The following WLS variants were observed in gnomAD, a reference collection of about 807,000 sequenced individuals.
WLS encodes Wnt ligand secretion mediator.
A neutral mutation model predicts 62.8 loss-of-function variants in WLS; 23 were observed. That is an observed-to-expected ratio of 0.37 (90% CI 0.26 to 0.52). The LOEUF is 0.52. Among genes scored for constraint, WLS ranks in the 20% least tolerant of loss-of-function variants. WLS has a pLI of 0.92. For missense variants in WLS, 615 were observed against 697.3 expected, an observed-to-expected ratio of 0.88 and a Z score of 1.33; for synonymous variants, 246 against 244.1, an observed-to-expected ratio of 1.01 and a Z score of -0.07.
intron 1 of WLS, among the ~76,000 whole-genome samples, chr1:68,220,569 C>T (rs1486422087): frequency 6.6e-6 from 1 of 152,176 alleles, no homozygotes. Context: ...TGCCATTTAT[C>T]AACCATAAAA....
intron 11 of WLS, among the ~76,000 whole-genome samples, chr1:68,106,796 C>T (rs1646153092): frequency 6.6e-6 from 1 of 151,672 alleles, no homozygotes; most frequent in African/African-American, 2.4e-5. Context: ...TACTGGTATG[C>T]AGTGTCCAGG....
intron 1 of WLS, among the ~76,000 whole-genome samples, chr1:68,227,082 G>A (rs1181642551): frequency 6.6e-6 from 1 of 152,122 alleles, no homozygotes; most frequent in East Asian, 1.9e-4. Flanking sequence ...TAGACAGGTT[G>A]TACTGAAAGA....
At chr1:68,198,573 A>G (rs1417733936) in intron 1 of WLS, among the ~76,000 whole-genome samples, 3 of 152,150 alleles carry the variant, frequency 2.0e-5, no homozygotes, top group Non-Finnish European at 4.4e-5. Context: ...ACACATTACT[A>G]TGGCTCACAG....
chr1:68,226,932 A>C (rs1045533138), intron 1 of WLS, among the ~76,000 whole-genome samples: 4 of 152,214 alleles, frequency 2.6e-5, no homozygotes, highest in Admixed American at 1.3e-4. Flanking sequence ...GTAAAATGTC[A>C]TGTAGGAAGG....
At chr1:68,162,489 G>C in intron 2 of WLS, 1 of 1,613,908 alleles carries the variant, frequency 6.2e-7, no homozygotes, top group Non-Finnish European at 8.5e-7. Flanking sequence ...TGAATCCAAA[G>C]GCCTTGGCTC....
intron 2 of WLS, among the ~76,000 whole-genome samples, chr1:68,187,779 T>C (rs1648049203): frequency 6.6e-6 from 1 of 151,712 alleles, no homozygotes; most frequent in South Asian, 2.1e-4. Flanking sequence ...CATTAGAAAC[T>C]GGCAAAAAAA....
intron 1 of WLS, chr1:68,231,951 CT>C (rs2100681559): frequency 5.1e-6 from 3 of 593,636 alleles, no homozygotes; most frequent in African/African-American, 3.7e-5. Flanking sequence ...CGCCGCCCCC[CT>C]CTTGCCTTTC....
In WLS at chr1:68,159,113, G is replaced by A. The variant is rs1446768987; in HGVS notation, c.504+10C>T. The A allele has an allele frequency of 2.5e-6, 4 of 1,613,230 alleles. No individual in the cohort carries two copies. The highest frequency in any genetic ancestry group is 3.4e-6 in the Non-Finnish European group (4 of 1,179,780). Reference sequence around the variant, plus strand: ...TAAAAACTGTCAGCTTAGACAGCAAGGGGTCATACCTTGGGAGATGTGAAG... The same window carrying A: ...TAAAAACTGTCAGCTTAGACAGCAAAGGGTCATACCTTGGGAGATGTGAAG... On this transcript the variant is annotated intron_variant, in intron 3 of 11. Transcript: ENST00000262348.
At chr1:68,153,765 C>A in intron 4 of WLS, 112 bp from the exon 5 acceptor site, 2 of 1,398,696 alleles carry the variant, frequency 1.4e-6, no homozygotes, top group Admixed American at 3.9e-5. Context: ...CGAATGTTCA[C>A]GATCAAGAGC....
chr1:68,175,266 C>A (rs1025039032), intron 2 of WLS, among the ~76,000 whole-genome samples: 1 of 152,214 alleles, frequency 6.6e-6, no homozygotes, highest in Non-Finnish European at 1.5e-5. Context: ...TTCACCCATG[C>A]AGATGCCAGC....
At chr1:68,208,751 T>G (rs558134803) in intron 1 of WLS, among the ~76,000 whole-genome samples, 26 of 152,330 alleles carry the variant, frequency 1.7e-4, no homozygotes, top group African/African-American at 6.0e-4. Context: ...AAACACATCA[T>G]GCAAACGTTA....
intron 10 of WLS, among the ~76,000 whole-genome samples, chr1:68,141,945 C>T (rs547333402): frequency 6.6e-6 from 1 of 152,288 alleles, no homozygotes; most frequent in Admixed American, 6.5e-5. Flanking sequence ...TTGCTACCCC[C>T]TTAGAGTTGA....
In WLS at chr1:68,194,044, G is replaced by T. The variant is rs1254235090; in HGVS notation, c.290C>A (p.Pro97His). The T allele has an allele frequency of 6.2e-7, 1 of 1,613,958 alleles. No homozygotes were observed. Among genetic ancestry groups the T allele is most frequent in the Non-Finnish European group, 8.5e-7 (1 of 1,180,038 alleles). Residue 97 changes from proline (P) to histidine (H), a missense_variant, in exon 2 of 12, where the codon CCC (proline) becomes CAC (histidine). Physicochemically the swap from Pro to His is moderately conservative, Grantham distance 77. Coordinates refer to ENST00000262348, the MANE Select transcript of WLS (RefSeq NM_024911.7). ...AGGACTCATCTCCATGTGGGGGAGG[G>T]GAATGTGAACAGAAAACACGATGTC... The part of the protein sequence containing the change: ...ANDIVFSVHI[P>H]LPHMEMSPWF...
Position 68,194,068 on chromosome 1 carries a change from T to C in WLS, c.266A>G (p.Asp89Gly), listed in dbSNP as rs3748704. 2.2e-5 allele frequency: 36 copies of C among 1,614,180 alleles called. No individual in the cohort carries two copies. In the East Asian group the frequency reaches 4.5e-4, roughly 20 times the overall value. The change falls in exon 2 of 12, where the codon GAC (aspartate) becomes GGC (glycine). Residue 89 changes from aspartate (D) to glycine (G), a missense_variant. Transcript: ENST00000262348. ...GGGAATGTGAACAGAAAACACGATGTCATTGGCTTCAATTTCCCTTGGAAT... is the reference window on the plus strand; with the variant it reads ...GGGAATGTGAACAGAAAACACGATGCCATTGGCTTCAATTTCCCTTGGAAT... Reference protein sequence around the residue: ...EAIPREIEANDIVFSVHIPLP... With the variant: ...EAIPREIEANGIVFSVHIPLP...
At chr1:68,161,832 C>G (rs1646979422) in intron 2 of WLS, 1 of 1,605,296 alleles carries the variant, frequency 6.2e-7, no homozygotes, top group Non-Finnish European at 8.5e-7. Context: ...AAGGATGTGC[C>G]ACTGTTGGGA....
intron 11 of WLS, among the ~76,000 whole-genome samples, chr1:68,101,770 C>CAA (rs1557439803): frequency 3.9e-5 from 6 of 152,188 alleles, no homozygotes. Flanking sequence ...AGACTGGCTG[C>CAA]AAGGGGCTTT....
At chr1:68,113,105 T>G (rs947923821) in intron 11 of WLS, among the ~76,000 whole-genome samples, 5 of 152,202 alleles carry the variant, frequency 3.3e-5, no homozygotes, top group African/African-American at 4.8e-5. Context: ...ACAGGAAGCC[T>G]TCTCTCTCCA....
intron 2 of WLS, among the ~76,000 whole-genome samples, chr1:68,165,832 A>T (rs1647052302): frequency 2.0e-5 from 3 of 152,186 alleles, no homozygotes; most frequent in Admixed American, 1.3e-4. Flanking sequence ...ACTTGGCTTA[A>T]CAGTTTGCTG....
At chr1:68,100,408 T>C (rs1646061875) in intron 11 of WLS, among the ~76,000 whole-genome samples, 1 of 151,968 alleles carries the variant, frequency 6.6e-6, no homozygotes, top group Non-Finnish European at 1.5e-5. Context: ...CAAACTCTCA[T>C]TTCTTCCTAA....
Sources: gnomAD v4.1 joint callset for allele counts (sites outside exome capture counted in the v4.1 genomes callset) on GRCh38, gnomAD v4.1.1 for gene constraint, MANE v1.5 for transcripts, NCBI Gene and HGNC (gene_info 2026-07-23, HGNC 2026-07-21) for gene names.